Variants in NELL1 observed in about 807,000 individuals in gnomAD.
NELL1 encodes neural EGFL like 1.
Under a neutral mutation model 107.4 loss-of-function variants are expected in NELL1, and 76 were observed. That is an observed-to-expected ratio of 0.71 (90% confidence interval 0.59 to 0.86). The LOEUF is 0.86. Ranked by LOEUF, NELL1 falls within the 40% of genes least tolerant of loss-of-function variation. The pLI, the probability that NELL1 is intolerant of heterozygous loss-of-function variation, is 0.00. For missense variants in NELL1, 1,024 were observed against 1,005.5 expected, an observed-to-expected ratio of 1.02 and a Z score of -0.25; for synonymous variants, 353 against 341.2, an observed-to-expected ratio of 1.03 and a Z score of -0.38.
At chr11:21,102,360 C>A (rs1302034139) in intron 12 of NELL1, among the ~76,000 whole-genome samples, 2 of 152,092 alleles carry the variant, frequency 1.3e-5, no homozygotes, top group Non-Finnish European at 2.9e-5. Flanking sequence ...AGTTTTTCAC[C>A]CCCTTAGAGG....
intron 14 of NELL1, among the ~76,000 whole-genome samples, chr11:21,356,560 C>G (rs892790112): frequency 1.3e-5 from 2 of 152,158 alleles, no homozygotes; most frequent in African/African-American, 4.8e-5. Context: ...CGCGCAAACA[C>G]TGTTTTAGAC....
intron 3 of NELL1, among the ~76,000 whole-genome samples, chr11:20,820,210 A>G (rs7931420): frequency 0.97 from 147,272 of 152,252 alleles, 71,417 homozygotes; most frequent in East Asian, 1. Flanking sequence ...AAAGCCTGAC[A>G]TAAGGTAACC....
At chr11:20,729,380 G>C (rs1243510004) in intron 2 of NELL1, among the ~76,000 whole-genome samples, 1 of 152,028 alleles carries the variant, frequency 6.6e-6, no homozygotes, top group Non-Finnish European at 1.5e-5. Context: ...TTATTATCTT[G>C]TGACAGTTCT....
Position 20,755,094 on chromosome 11 carries a change from CCCT to C in NELL1, c.185-28582_185-28580del, listed in dbSNP as rs1339622723. 7.9e-5 allele frequency among the ~76,000 whole-genome samples: 12 copies of C among 152,290 alleles called. 1 individual carries two copies. The highest frequency in any genetic ancestry group is 2.6e-4 in the African/African-American group (11 of 41,560). ...TGACTCATCATCAGCCGTTTCTGCT[CCCT>C]CCTTTTCCCTGCAGGGGAGGGAAGA... On this transcript the variant is annotated intron_variant, in intron 2 of 19. Coordinates refer to ENST00000357134, the MANE Select transcript of NELL1 (RefSeq NM_006157.5).
intron 14 of NELL1, among the ~76,000 whole-genome samples, chr11:21,319,995 G>A (rs911813206): frequency 6.6e-6 from 1 of 150,978 alleles, no homozygotes; most frequent in African/African-American, 2.5e-5. Flanking sequence ...GATGGGTGGA[G>A]GGAGAGTATA....
chr11:21,121,720 C>G (rs1195712713), intron 13 of NELL1, among the ~76,000 whole-genome samples: 1 of 152,120 alleles, frequency 6.6e-6, no homozygotes. Context: ...CTTGCACAAA[C>G]ACTTTTGTGA....
chr11:21,565,274 G>C (rs1324108428), intron 17 of NELL1, among the ~76,000 whole-genome samples: 2 of 151,896 alleles, frequency 1.3e-5, no homozygotes, highest in Admixed American at 6.6e-5. Context: ...TAGGGGTCCT[G>C]TAAAGGAACA....
intron 13 of NELL1, among the ~76,000 whole-genome samples, chr11:21,143,216 A>C (rs187301702): frequency 1.3e-5 from 2 of 152,308 alleles, no homozygotes; most frequent in East Asian, 3.9e-4. Context: ...GGAATTCATG[A>C]ACAGTTTTGG....
At chr11:21,155,412 T>C (rs1376855804) in intron 13 of NELL1, among the ~76,000 whole-genome samples, 1 of 152,128 alleles carries the variant, frequency 6.6e-6, no homozygotes. Flanking sequence ...TTTGGAAATA[T>C]ATGAATTTAC....
At chr11:21,050,492 G>A (rs551058452) in intron 12 of NELL1, among the ~76,000 whole-genome samples, 5 of 151,914 alleles carry the variant, frequency 3.3e-5, no homozygotes, top group East Asian at 1.9e-4. Flanking sequence ...TGAAATGACT[G>A]GAAGAATTAA....
rs76389940 is a variant in NELL1 at position 21,460,117 on chromosome 11, G to A, written c.1646-74257G>A. On this transcript the variant is annotated intron_variant, in intron 15 of 19. Transcript: ENST00000357134. ...GATGGGATAGGGGTTGTTTACTTTG[G>A]AACATAGGTTGCAGAGAGTATAATG... Among the ~76,000 whole-genome samples, 698 of 152,126 alleles carry A rather than the reference G, an allele frequency of 4.6e-3. 5 individuals carry two copies. Among genetic ancestry groups the A allele is most frequent in the African/African-American group, 0.014 (578 of 41,518 alleles).
intron 14 of NELL1, among the ~76,000 whole-genome samples, chr11:21,295,811 G>A (rs1342686793): frequency 5.3e-5 from 8 of 151,850 alleles, no homozygotes; most frequent in African/African-American, 1.7e-4. Flanking sequence ...GATTGCTCCA[G>A]GAAATGCAAG....
chr11:21,337,782 TTCTTTC>T (rs1850452449), intron 14 of NELL1, among the ~76,000 whole-genome samples: 1 of 145,854 alleles, frequency 6.9e-6, no homozygotes, highest in Admixed American at 7.0e-5. Context: ...CTTTCTTTCT[TTCTTTC>T]TTTCTTTCCT....
chr11:20,734,653 G>A (rs1197721213), intron 2 of NELL1, among the ~76,000 whole-genome samples: 2 of 152,168 alleles, frequency 1.3e-5, no homozygotes, highest in Non-Finnish European at 2.9e-5. Context: ...GTCATCTAAG[G>A]TCATGTTAGA....
At chr11:21,338,181 A>G (rs547429626) in intron 14 of NELL1, among the ~76,000 whole-genome samples, 1 of 152,316 alleles carries the variant, frequency 6.6e-6, no homozygotes, top group South Asian at 2.1e-4. Context: ...TGCCGGTGTC[A>G]TGCAATTTCG....
At chr11:21,198,669 A>T (rs1295326025) in intron 13 of NELL1, among the ~76,000 whole-genome samples, 1 of 152,156 alleles carries the variant, frequency 6.6e-6, no homozygotes, top group Non-Finnish European at 1.5e-5. Flanking sequence ...CCCATGTTTC[A>T]CTGGAGCAAT....
chr11:21,478,841 G>GAA (rs34783621), intron 15 of NELL1, among the ~76,000 whole-genome samples: 63,418 of 147,068 alleles, frequency 0.43, 13,755 homozygotes, highest in South Asian at 0.52. Flanking sequence ...AACCCTATAA[G>GAA]AAAAAAAAAA....
intron 12 of NELL1, among the ~76,000 whole-genome samples, chr11:20,999,975 T>TTGTG (rs111467472): frequency 5.3e-5 from 8 of 151,104 alleles, no homozygotes; most frequent in Non-Finnish European, 5.9e-5. Context: ...CATATGAAGG[T>TTGTG]TGTGTGTGTG....
chr11:21,512,740 A>G (rs1855469350), intron 15 of NELL1, among the ~76,000 whole-genome samples: 1 of 152,176 alleles, frequency 6.6e-6, no homozygotes, highest in Non-Finnish European at 1.5e-5. Context: ...ATGAAAAGCC[A>G]CATAGGCAGT....
Sources: gnomAD v4.1 joint callset for allele counts (sites outside exome capture counted in the v4.1 genomes callset) on GRCh38, gnomAD v4.1.1 for gene constraint, MANE v1.5 for transcripts, NCBI Gene and HGNC (gene_info 2026-07-23, HGNC 2026-07-21) for gene names.